Variants in CCBE1 observed in about 807,000 individuals in gnomAD.
CCBE1 encodes collagen and calcium binding EGF domains 1.
CCBE1 carries 37 observed loss-of-function variants against 50.0 expected under a neutral mutation model. The ratio of observed to expected loss-of-function variants is 0.74; its 90% CI spans 0.57 to 0.97. The LOEUF is 0.97. Among genes scored for constraint, CCBE1 ranks in the 50% least tolerant of loss-of-function variants. The pLI is 0.00. For synonymous variants in CCBE1, 234 were observed against 203.7 expected (o/e 1.15, Z -1.27); for missense variants, 538 against 523.8 (o/e 1.03, Z -0.26).
intron 7 of CCBE1, among the ~76,000 whole-genome samples, chr18:59,444,583 C>T (rs957961142): frequency 1.3e-5 from 2 of 151,940 alleles, no homozygotes; most frequent in African/African-American, 4.8e-5. Context: ...GTGTTGTTTT[C>T]ATGGCTCACT....
At chr18:59,486,538 C>T (rs571409164) in intron 2 of CCBE1, among the ~76,000 whole-genome samples, 8 of 152,342 alleles carry the variant, frequency 5.3e-5, no homozygotes, top group South Asian at 4.1e-4. Flanking sequence ...GGAGGCTTCT[C>T]TAACCCTGAA....
At chr18:59,452,803 G>A (rs1449848459) in intron 6 of CCBE1, among the ~76,000 whole-genome samples, 1 of 152,126 alleles carries the variant, frequency 6.6e-6, no homozygotes, top group Non-Finnish European at 1.5e-5. Flanking sequence ...CATTCTAATA[G>A]GAACCTTTAG....
intron 2 of CCBE1, among the ~76,000 whole-genome samples, chr18:59,627,533 C>T (rs529784533): frequency 6.6e-5 from 10 of 152,208 alleles, no homozygotes; most frequent in African/African-American, 2.2e-4. Context: ...CTGCAGATGC[C>T]GTCAAGTTAA....
intron 2 of CCBE1, among the ~76,000 whole-genome samples, chr18:59,542,856 C>T (rs780959168): frequency 5.9e-5 from 9 of 152,172 alleles, no homozygotes; most frequent in Non-Finnish European, 8.8e-5. Flanking sequence ...CTCTCACCCA[C>T]CAACATCCCT....
At chr18:59,527,142 C>T (rs11152159) in intron 2 of CCBE1, among the ~76,000 whole-genome samples, 152,183 of 152,340 alleles carry the variant, frequency 1, 76,013 homozygotes, top group Middle Eastern at 1. Flanking sequence ...TATAAGTCTC[C>T]TTGTAGTTCT....
intron 2 of CCBE1, among the ~76,000 whole-genome samples, chr18:59,611,754 A>C (rs7233768): frequency 6.6e-6 from 1 of 151,962 alleles, no homozygotes; most frequent in Non-Finnish European, 1.5e-5. Flanking sequence ...TTAAAAAAAA[A>C]AATAAAAAAA....
At chr18:59,608,457 A>C (rs1292723939) in intron 2 of CCBE1, among the ~76,000 whole-genome samples, 1 of 152,180 alleles carries the variant, frequency 6.6e-6, no homozygotes, top group East Asian at 1.9e-4. Flanking sequence ...GCATCTTAGC[A>C]TTTCTAAGAA....
At chr18:59,653,811 A>G (rs1016225414) in intron 2 of CCBE1, among the ~76,000 whole-genome samples, 16 of 152,246 alleles carry the variant, frequency 1.1e-4, no homozygotes, top group African/African-American at 2.9e-4. Flanking sequence ...TTACAACCCA[A>G]TTTGTTACTG....
chr18:59,596,532 G>A (rs532894289), intron 2 of CCBE1, among the ~76,000 whole-genome samples: 6 of 152,154 alleles, frequency 3.9e-5, no homozygotes, highest in South Asian at 2.1e-4. Context: ...TATGATATAC[G>A]GCGGAGGAAA....
intron 2 of CCBE1, among the ~76,000 whole-genome samples, chr18:59,601,019 T>TTTTG (rs2053422456): frequency 2.0e-5 from 1 of 50,688 alleles, no homozygotes; most frequent in Non-Finnish European, 3.7e-5. Context: ...AGTTTTTTTT[T>TTTTG]TTTTTTTTTT....
At position 59,524,004 on chromosome 18, in the gene CCBE1, G is replaced by A. The variant is rs528590283; in HGVS notation, c.213-43766C>T. Among the ~76,000 whole-genome samples the A allele has an allele frequency of 4.3e-4, 65 of 152,258 alleles. 1 individual carries two copies. The South Asian group carries it at 0.013, about 31-fold the overall frequency. On this transcript the variant is annotated intron_variant, in intron 2 of 10. Coordinates refer to ENST00000439986, the MANE Select transcript of CCBE1 (RefSeq NM_133459.4). ...TAGTCCAGCTCCTTTACCGAAACAA[G>A]CCTTTATGGCTACAAACTTTTAAAG... is the stretch of plus-strand genomic sequence containing the variant.
chr18:59,583,676 TG>T (rs2053123788), intron 2 of CCBE1, among the ~76,000 whole-genome samples: 2 of 68,886 alleles, frequency 2.9e-5, no homozygotes, highest in South Asian at 8.5e-4. Flanking sequence ...TGTGTGTGTG[TG>T]TGTGCGCGCG....
At chr18:59,614,540 G>T (rs1395845542) in intron 2 of CCBE1, among the ~76,000 whole-genome samples, 1 of 152,180 alleles carries the variant, frequency 6.6e-6, no homozygotes, top group African/African-American at 2.4e-5. Flanking sequence ...CACTGACCAG[G>T]ATCAGGAGCA....
chr18:59,606,038 C>T (rs1469743335), intron 2 of CCBE1, among the ~76,000 whole-genome samples: 6 of 152,200 alleles, frequency 3.9e-5, no homozygotes, highest in South Asian at 2.1e-4. Flanking sequence ...ATGATCTCAA[C>T]GCCTATGGTG....
At chr18:59,493,512 C>T (rs1484609145) in intron 2 of CCBE1, among the ~76,000 whole-genome samples, 3 of 151,478 alleles carry the variant, frequency 2.0e-5, no homozygotes, top group African/African-American at 7.3e-5. Context: ...CCAAGATAAG[C>T]ATTTTCCATA....
intron 2 of CCBE1, among the ~76,000 whole-genome samples, chr18:59,580,442 G>C (rs2053067023): frequency 6.6e-6 from 1 of 152,126 alleles, no homozygotes; most frequent in Non-Finnish European, 1.5e-5. Context: ...TGACCACCTG[G>C]AGCACATGTC....
intron 2 of CCBE1, among the ~76,000 whole-genome samples, chr18:59,508,139 C>T (rs1913966516): frequency 1.3e-5 from 2 of 152,064 alleles, no homozygotes; most frequent in South Asian, 4.2e-4. Flanking sequence ...GATCCGCCCG[C>T]CTCGGCCTCC....
intron 2 of CCBE1, among the ~76,000 whole-genome samples, chr18:59,543,538 G>A (rs963105930): frequency 2.0e-5 from 3 of 151,952 alleles, no homozygotes; most frequent in African/African-American, 4.8e-5. Flanking sequence ...GCGAGAGGCC[G>A]CGAGAGGCCC....
At chr18:59,518,019 C>T (rs1396381367) in intron 2 of CCBE1, among the ~76,000 whole-genome samples, 2 of 152,062 alleles carry the variant, frequency 1.3e-5, no homozygotes, top group South Asian at 2.1e-4. Flanking sequence ...AAGTTGGGGG[C>T]GGAGGAAACT....
Sources: allele counts gnomAD v4.1 joint callset (sites outside exome capture counted in the v4.1 genomes callset), GRCh38; gene constraint gnomAD v4.1.1; transcripts MANE v1.5; gene names NCBI Gene and HGNC (gene_info 2026-07-23, HGNC 2026-07-21).